The following ADTRP variants were observed in gnomAD, a reference collection of about 807,000 sequenced individuals.
ADTRP encodes androgen dependent TFPI regulating protein, also known as androgen-dependent TFPI-regulating protein.
In ADTRP, 20 loss-of-function variants were observed where a neutral mutation model predicts 27.0. That is an observed-to-expected ratio of 0.74 (90% CI 0.52 to 1.08). The LOEUF (loss-of-function observed/expected upper bound fraction) is 1.08. Among genes scored for constraint, ADTRP ranks in the 50% least tolerant of loss-of-function variants. The pLI, the probability that ADTRP is intolerant of heterozygous loss-of-function variation, is 0.00. For missense variants in ADTRP, 251 were observed against 275.0 expected (o/e 0.91, Z 0.62); for synonymous variants, 101 against 105.2 (o/e 0.96, Z 0.25).
At chr6:11,721,484 T>C (rs1274257957) in intron 5 of ADTRP, among the ~76,000 whole-genome samples, 4 of 152,366 alleles carry the variant, frequency 2.6e-5, no homozygotes, top group East Asian at 1.9e-4. Context: ...GTTCACTGCA[T>C]TGCAACTTTA....
At chr6:11,740,655 C>G (rs537714359) in intron 3 of ADTRP, among the ~76,000 whole-genome samples, 22 of 152,306 alleles carry the variant, frequency 1.4e-4, no homozygotes, top group African/African-American at 5.3e-4. Flanking sequence ...ATAATACCAT[C>G]CATTTGCCAG....
rs767585458 is a variant in ADTRP, at chr6:11,714,467, AT to A, written c.*10del. ...TTTCTTCTTTCTTGGTTCTTGGAAAATGGTGTGCAATTACTTCCTCTTCTTC... is the reference window on the plus strand; with the variant it reads ...TTTCTTCTTTCTTGGTTCTTGGAAAAGGTGTGCAATTACTTCCTCTTCTTC... On this transcript the variant is annotated 3_prime_UTR_variant, in exon 6 of 6. Coordinates refer to ENST00000414691, the MANE Select transcript of ADTRP (RefSeq NM_032744.4). The A allele has an allele frequency of 1.2e-6, 2 of 1,612,224 alleles. No homozygotes were observed. Among genetic ancestry groups the A allele is most frequent in the Admixed American group, 3.4e-5 (2 of 59,476 alleles).
Position 11,770,018 on chromosome 6 carries a change from C to T in ADTRP, c.154-1635G>A, listed in dbSNP as rs750332790. ...CCCCCGCCCACCACCATTTTACAAA[C>T]GAGGAAACAAACCTGCCTAAAGCTT... On this transcript the variant is annotated intron_variant, in intron 1 of 5. Transcript: ENST00000414691. The T allele has an allele frequency of 1.2e-5, 18 of 1,551,492 alleles. No individual in the cohort carries two copies. The African/African-American group carries it at 1.6e-4, about 14-fold the overall frequency.
At chr6:11,761,732 C>T (rs1203961673) in intron 3 of ADTRP, among the ~76,000 whole-genome samples, 1 of 152,184 alleles carries the variant, frequency 6.6e-6, no homozygotes, top group South Asian at 2.1e-4. Flanking sequence ...AGGTAAGAGG[C>T]CCATAAATGG....
At chr6:11,756,321 G>A (rs549912763) in intron 3 of ADTRP, among the ~76,000 whole-genome samples, 49 of 147,792 alleles carry the variant, frequency 3.3e-4, no homozygotes, top group African/African-American at 1.2e-3. Context: ...GTGACAAAGC[G>A]AGACTGTGTC....
At chr6:11,765,319 GTTTGT>G (rs1763530288) in intron 3 of ADTRP, among the ~76,000 whole-genome samples, 2 of 112,526 alleles carry the variant, frequency 1.8e-5, no homozygotes, top group African/African-American at 3.3e-5. Context: ...CTTTCCCCTG[GTTTGT>G]TTTTTTTTTT....
Position 11,760,475 on chromosome 6 carries a change from G to A in ADTRP, c.390+5799C>T, listed in dbSNP as rs142260456. On this transcript the variant is annotated intron_variant, in intron 3 of 5. Coordinates refer to ENST00000414691, the MANE Select transcript of ADTRP (RefSeq NM_032744.4). ...CCTAGCTCACTGGCACCTCCTTCAC[G>A]ATCTCCTTTGTTGAATCTCCCTCCC... Among the ~76,000 whole-genome samples the A allele has an allele frequency of 3.5e-3, 528 of 152,224 alleles. 9 individuals are homozygous for A. The highest frequency in any genetic ancestry group is 6.8e-4 in the Non-Finnish European group (46 of 68,014).
At chr6:11,731,716 G>T (rs368857814) in intron 4 of ADTRP, among the ~76,000 whole-genome samples, 1 of 151,694 alleles carries the variant, frequency 6.6e-6, no homozygotes, top group Non-Finnish European at 1.5e-5. Context: ...TTCCCACACC[G>T]CTCAGCTGGA....
intron 2 of ADTRP, 71 bp from the exon 3 acceptor site, chr6:11,766,446 G>A: frequency 1.8e-6 from 2 of 1,131,872 alleles, no homozygotes; most frequent in Admixed American, 2.0e-5. Context: ...GATAATCAAG[G>A]AAACACAGCT....
At chr6:11,717,087 T>C in intron 5 of ADTRP, 2 of 386,916 alleles carry the variant, frequency 5.2e-6, no homozygotes, top group Non-Finnish European at 9.1e-6. Flanking sequence ...TAATAATAGA[T>C]CATATATCTT....
chr6:11,714,406 G>GAA lies in ADTRP; in HGVS notation c.*70_*71dup, dbSNP rs35108078. On this transcript the variant is annotated 3_prime_UTR_variant, in exon 6 of 6. Transcript: ENST00000414691. The stretch of plus-strand genomic sequence containing the variant: ...GTTCCTCCACCACCTCCCTCCACCA[G>GAA]AAAAAAAAAAAAAAGATGAGAAAAA... The GAA allele has an allele frequency of 0.18, 236,316 of 1,310,124 alleles. 646 individuals are homozygous for GAA. Among genetic ancestry groups the GAA allele is most frequent in the Non-Finnish European group, 0.19 (183,324 of 963,030 alleles). 81.2% of individuals were successfully genotyped at this position (1,310,124 alleles called of 1,614,324 possible).
intron 1 of ADTRP, among the ~76,000 whole-genome samples, chr6:11,775,176 C>T (rs977346592): frequency 1.3e-5 from 2 of 152,036 alleles, no homozygotes; most frequent in Admixed American, 6.5e-5. Flanking sequence ...TGGCCTCCAC[C>T]CCGCAACAAC....
intron 3 of ADTRP, among the ~76,000 whole-genome samples, chr6:11,760,796 C>T (rs1763370035): frequency 6.6e-6 from 1 of 152,188 alleles, no homozygotes; most frequent in Admixed American, 6.5e-5. Context: ...ATCCTTGCAC[C>T]TCCCAAGCCT....
At chr6:11,765,770 A>G (rs1197769856) in intron 3 of ADTRP, among the ~76,000 whole-genome samples, 1 of 152,132 alleles carries the variant, frequency 6.6e-6, no homozygotes, top group African/African-American at 2.4e-5. Flanking sequence ...CGGCCTCTCC[A>G]AAACACAAGC....
chr6:11,774,156 A>AC (rs1325291315), intron 1 of ADTRP, among the ~76,000 whole-genome samples: 1 of 150,356 alleles, frequency 6.7e-6, no homozygotes, highest in Non-Finnish European at 1.5e-5. Context: ...AAAATACAAA[A>AC]AAAATTAGCC....
At chr6:11,774,236 G>T (rs1364067399) in intron 1 of ADTRP, among the ~76,000 whole-genome samples, 3 of 152,222 alleles carry the variant, frequency 2.0e-5, no homozygotes, top group Admixed American at 2.0e-4. Context: ...CTGAACCCAG[G>T]AGGCAGAGGT....
chr6:11,762,215 C>T (rs1374950926), intron 3 of ADTRP, among the ~76,000 whole-genome samples: 1 of 152,242 alleles, frequency 6.6e-6, no homozygotes, highest in Non-Finnish European at 1.5e-5. Flanking sequence ...CCATGCCTTG[C>T]TCATGAGTTA....
intron 3 of ADTRP, among the ~76,000 whole-genome samples, chr6:11,764,886 C>T (rs1288576714): frequency 1.6e-5 from 2 of 121,562 alleles, no homozygotes; most frequent in Non-Finnish European, 3.3e-5. Flanking sequence ...ATATAAAGTA[C>T]CATTTCTTAA....
rs745946331 is a variant in ADTRP, at chr6:11,768,350, G to A, written c.187C>T (p.Leu63=). ...LQTIFYGVTC[L]DDVLKRTKGG... ...TTGGTTCTTTTCAGCACATCATCCA[G>A]GCAGGTGACCCCGTAGAAAATGGTC... is the stretch of plus-strand genomic sequence containing the variant. The change falls in exon 2 of 6, where the codon CTG becomes TTG. Residue 63 remains leucine, a synonymous_variant. Coordinates refer to ENST00000414691, the MANE Select transcript of ADTRP (RefSeq NM_032744.4). 1 of 1,614,174 alleles carries A rather than the reference G, an allele frequency of 6.2e-7. No homozygotes were observed. Among genetic ancestry groups the A allele is most frequent in the Admixed American group, 1.7e-5 (1 of 60,030 alleles).
Sources: gnomAD v4.1 joint callset for allele counts (sites outside exome capture counted in the v4.1 genomes callset) on GRCh38, gnomAD v4.1.1 for gene constraint, MANE v1.5 for transcripts, NCBI Gene and HGNC (gene_info 2026-07-23, HGNC 2026-07-21) for gene names.